The following LRP6 variants were observed in gnomAD, a reference collection of about 807,000 sequenced individuals.
LRP6 encodes the protein LDL receptor related protein 6, also known as low-density lipoprotein receptor-related protein 6.
Under a neutral mutation model 184.1 loss-of-function variants are expected in LRP6, and 43 were observed. The ratio of observed to expected loss-of-function variants is 0.23; its 90% CI spans 0.18 to 0.30. The LOEUF is 0.30. Among genes scored for constraint, LRP6 ranks in the 10% least tolerant of loss-of-function variants. The pLI is 1.00. For synonymous variants in LRP6, 719 were observed against 684.9 expected (o/e 1.05, Z -0.78); for missense variants, 1,571 against 2,005.3 (o/e 0.78, Z 4.14).
At chr12:12,155,910 A>G in intron 12 of LRP6, 1 of 554,058 alleles carries the variant, frequency 1.8e-6, no homozygotes, top group South Asian at 2.3e-5. Context: ...TCATTCATTT[A>G]TTTAACAATA....
At chr12:12,240,448 C>G (rs1278208072) in intron 2 of LRP6, among the ~76,000 whole-genome samples, 3 of 151,818 alleles carry the variant, frequency 2.0e-5, no homozygotes, top group Admixed American at 2.0e-4. Flanking sequence ...GGCAGGTGCC[C>G]GTAGTCCCAG....
At chr12:12,180,963 T>G in intron 6 of LRP6, 80 bp downstream of exon 6, 1 of 1,470,352 alleles carries the variant, frequency 6.8e-7, no homozygotes, top group African/African-American at 1.4e-5. Context: ...ATATATGTCA[T>G]GTTATCTTAG....
At chr12:12,180,722 AG>A (rs767931906) in intron 6 of LRP6, among the ~76,000 whole-genome samples, 16 of 152,332 alleles carry the variant, frequency 1.1e-4, no homozygotes, top group Non-Finnish European at 1.8e-4. Context: ...TTCTAGGGGA[AG>A]GGAAAGAGTT....
In LRP6 at chr12:12,145,534, C is replaced by A. The variant is rs573235433; in HGVS notation, c.3397+1832G>T. On this transcript the variant is annotated intron_variant, in intron 15 of 22. Transcript: ENST00000261349. Reference sequence around the variant, plus strand: ...CTCTCCCCTCCCTCCCTCCCTCCCTCCCCCTTCTCTCTTTCCCTCTCTCTC... The same window carrying A: ...CTCTCCCCTCCCTCCCTCCCTCCCTACCCCTTCTCTCTTTCCCTCTCTCTC... Among the ~76,000 whole-genome samples the A allele has an allele frequency of 1.3e-3, 186 of 141,488 alleles. 1 individual carries two copies. The highest frequency in any genetic ancestry group is 2.3e-3 in the Non-Finnish European group (148 of 65,366). The allele number at this position is 141,488 out of a possible 152,430, so 92.8% of individuals were successfully genotyped here.
intron 8 of LRP6, 124 bp downstream of exon 8, chr12:12,164,955 A>AAAAAAAAAAAAAAAAAAAAGG: frequency 1.9e-6 from 1 of 528,570 alleles, no homozygotes. Flanking sequence ...AAAAAAAAAA[A>AAAAAAAAAAAAAAAAAAAAGG]GGCGGGGGGG....
chr12:12,220,143 C>G (rs1349637528), intron 2 of LRP6, among the ~76,000 whole-genome samples: 3 of 152,046 alleles, frequency 2.0e-5, no homozygotes, highest in African/African-American at 7.2e-5. Flanking sequence ...CAAAAATTAA[C>G]CAGGTGTGGT....
At chr12:12,245,070 C>G (rs754108827) in intron 1 of LRP6, among the ~76,000 whole-genome samples, 24 of 152,174 alleles carry the variant, frequency 1.6e-4, no homozygotes, top group Non-Finnish European at 2.9e-4. Flanking sequence ...AAGGCAATAG[C>G]TAGATACTGT....
At position 12,121,310 on chromosome 12, in the gene LRP6, G is replaced by A. The variant is rs763719395; in HGVS notation, c.4658C>T (p.Ala1553Val). The A allele has an allele frequency of 2.5e-6, 4 of 1,614,178 alleles. No individual in the cohort carries two copies. The highest frequency in any genetic ancestry group is 3.4e-6 in the Non-Finnish European group (4 of 1,180,040). The stretch of plus-strand genomic sequence containing the variant: ...GTTCAAGTCACTGGTATAGCCCTTG[G>A]CTGTTGCCACTGAGGTCATTCTCCG... ...PSRRMTSVAT[A>V]KGYTSDLNYD... Residue 1553 changes from alanine to valine, a missense_variant, in exon 23 of 23, where the codon GCC (alanine) becomes GTC (valine). Transcript: ENST00000261349.
intron 2 of LRP6, among the ~76,000 whole-genome samples, chr12:12,227,957 C>T (rs907133433): frequency 4.6e-5 from 7 of 152,198 alleles, no homozygotes; most frequent in African/African-American, 1.4e-4. Context: ...CTTCAGTTTG[C>T]TGTTCTGTAA....
In LRP6 at chr12:12,124,647, G is replaced by A; in HGVS notation, c.4465C>T (p.Pro1489Ser). Reference protein sequence around the residue: ...TYFPAILNPPPSPATERSHYT... With the variant: ...TYFPAILNPPSSPATERSHYT... ...TGTGATCGCTCTGTGGCTGGGGATGGTGGAGGGTTCAAAATCTAAAAGAAA... is the reference window on the plus strand; with the variant it reads ...TGTGATCGCTCTGTGGCTGGGGATGATGGAGGGTTCAAAATCTAAAAGAAA... Residue 1489 changes from proline (P) to serine (S), a missense_variant, in exon 22 of 23, where the codon CCA becomes TCA. Around this residue, in one of 4 missense-constraint regions of LRP6, gnomAD observed 763 missense variants for 859.5 expected, o/e 0.89. Transcript: ENST00000261349. The A allele has an allele frequency of 5.0e-6, 8 of 1,610,884 alleles. No homozygotes were observed. Among genetic ancestry groups the A allele is most frequent in the Non-Finnish European group, 6.8e-6 (8 of 1,177,744 alleles).
At chr12:12,220,101 A>AAC (rs1283252570) in intron 2 of LRP6, among the ~76,000 whole-genome samples, 2 of 152,158 alleles carry the variant, frequency 1.3e-5, no homozygotes, top group Non-Finnish European at 2.9e-5. Context: ...CAGACAGGCC[A>AAC]ACATGGTAAA....
intron 7 of LRP6, among the ~76,000 whole-genome samples, chr12:12,176,026 T>TA (rs11290647): frequency 6.8e-5 from 10 of 147,690 alleles, no homozygotes; most frequent in South Asian, 4.3e-4. Context: ...AACCTGATCC[T>TA]AAAAAAAAAA....
chr12:12,220,688 T>TC (rs1386498970), intron 2 of LRP6, among the ~76,000 whole-genome samples: 1 of 150,030 alleles, frequency 6.7e-6, no homozygotes, highest in Admixed American at 6.7e-5. Flanking sequence ...AACCTCCACC[T>TC]CCTGGGCTCA....
intron 3 of LRP6, among the ~76,000 whole-genome samples, chr12:12,191,550 A>G (rs1053896303): frequency 6.6e-6 from 1 of 152,212 alleles, no homozygotes; most frequent in Non-Finnish European, 1.5e-5. Flanking sequence ...TAATAAGTTA[A>G]TATTAAAAAT....
chr12:12,133,313 G>C (rs1565539285), intron 17 of LRP6, among the ~76,000 whole-genome samples: 1 of 152,190 alleles, frequency 6.6e-6, no homozygotes, highest in African/African-American at 2.4e-5. Context: ...GGCCTGGTGG[G>C]AAGTGTTTGG....
chr12:12,265,549 T>C (rs1219254235), intron 1 of LRP6, among the ~76,000 whole-genome samples: 1 of 152,236 alleles, frequency 6.6e-6, no homozygotes, highest in East Asian at 1.9e-4. Context: ...AAGTTTAGCT[T>C]GTTAACACCT....
intron 7 of LRP6, among the ~76,000 whole-genome samples, chr12:12,167,038 G>A (rs962599521): frequency 2.0e-5 from 3 of 152,164 alleles, no homozygotes; most frequent in Non-Finnish European, 4.4e-5. Flanking sequence ...GTTTGAGGCT[G>A]CAGTGAGCTA....
In LRP6 at chr12:12,212,204, G is replaced by A. The variant is rs536337563; in HGVS notation, c.450-8804C>T. 2.0e-5 allele frequency among the ~76,000 whole-genome samples: 3 copies of A among 152,192 alleles called. No individual in the cohort carries two copies. In the East Asian group the frequency reaches 5.8e-4, roughly 29 times the overall value. ...GTATCCCCTATCCTAAAACAATCTA[G>A]CATAATGCCAAGTACACAGTCAGCA... On this transcript the variant is annotated intron_variant, in intron 2 of 22. Coordinates refer to ENST00000261349, the MANE Select transcript of LRP6 (RefSeq NM_002336.3).
At chr12:12,211,514 C>T (rs932506126) in intron 2 of LRP6, among the ~76,000 whole-genome samples, 5 of 152,178 alleles carry the variant, frequency 3.3e-5, no homozygotes, top group Non-Finnish European at 5.9e-5. Context: ...CAAATACGGA[C>T]GAACTGAAGC....
Sources: gnomAD v4.1 joint callset for allele counts (sites outside exome capture counted in the v4.1 genomes callset) on GRCh38, gnomAD v4.1.1 for gene constraint, gnomAD v4.1.1 regional missense constraint, MANE v1.5 for transcripts, NCBI Gene and HGNC (gene_info 2026-07-23, HGNC 2026-07-21) for gene names.